Variants in SLC17A8 observed in about 807,000 individuals in gnomAD.
The protein encoded by SLC17A8 is solute carrier family 17 member 8.
Under a neutral mutation model 58.0 loss-of-function variants are expected in SLC17A8, and 31 were observed. The observed-to-expected ratio is 0.53, with a 90% confidence interval of 0.40 to 0.72. The LOEUF is 0.72. SLC17A8 is among the 30% of genes least tolerant of loss of function. The probability of loss-of-function intolerance (pLI) is 0.00; values close to 1 mark genes in which losing one functional copy is unlikely to be tolerated. For missense variants in SLC17A8, 655 were observed against 727.8 expected (o/e 0.90, Z 1.15); for synonymous variants, 228 against 249.0 (o/e 0.92, Z 0.79).
intron 9 of SLC17A8, among the ~76,000 whole-genome samples, chr12:100,409,881 G>C (rs769150928): frequency 6.6e-6 from 1 of 152,216 alleles, no homozygotes; most frequent in Non-Finnish European, 1.5e-5. Flanking sequence ...AGTAAGCAAA[G>C]AGATGAGGGC....
rs972824603 is a variant in SLC17A8 at position 100,377,877 on chromosome 12, C to T, written c.102-2824C>T. Reference sequence around the variant, plus strand: ...TGCTGGGATTACAGGCGTGAGCCACCGCGCCCAGCCTGATGGCTTCAAGAT... The same window carrying T: ...TGCTGGGATTACAGGCGTGAGCCACTGCGCCCAGCCTGATGGCTTCAAGAT... On this transcript the variant is annotated intron_variant, in intron 1 of 11. Transcript: ENST00000323346. Among the ~76,000 whole-genome samples, 16 of 152,194 alleles carry T rather than the reference C, an allele frequency of 1.1e-4. 1 individual carries two copies. The highest frequency in any genetic ancestry group is 2.6e-4 in the African/African-American group (11 of 41,554).
intron 1 of SLC17A8, among the ~76,000 whole-genome samples, chr12:100,358,917 G>A (rs1490011029): frequency 2.6e-5 from 4 of 152,174 alleles, no homozygotes; most frequent in East Asian, 1.9e-4. Context: ...GGAAGTGGGA[G>A]GATCGCTTGA....
intron 1 of SLC17A8, among the ~76,000 whole-genome samples, chr12:100,380,340 C>T (rs955841635): frequency 2.0e-5 from 3 of 151,938 alleles, no homozygotes; most frequent in African/African-American, 7.3e-5. Context: ...AGACTCTGGA[C>T]TTGGGCCTCT....
At chr12:100,411,185 G>A (rs1207879345) in intron 9 of SLC17A8, among the ~76,000 whole-genome samples, 2 of 151,874 alleles carry the variant, frequency 1.3e-5, no homozygotes, top group South Asian at 2.1e-4. Flanking sequence ...GAAGAGGCCA[G>A]GGGTGGTGGC....
At chr12:100,392,848 A>C (rs902054190) in intron 3 of SLC17A8, among the ~76,000 whole-genome samples, 2 of 152,184 alleles carry the variant, frequency 1.3e-5, no homozygotes, top group Non-Finnish European at 2.9e-5. Context: ...TCTGGGAAGC[A>C]GGAAACAACC....
At chr12:100,396,265 C>T (rs1952753063) in intron 4 of SLC17A8, 65 bp from the exon 5 acceptor site, 7 of 1,250,540 alleles carry the variant, frequency 5.6e-6, no homozygotes, top group Non-Finnish European at 7.1e-6. Flanking sequence ...AAGCAGCATC[C>T]ATATTTTAAA....
chr12:100,368,076 C>A (rs1350883487), intron 1 of SLC17A8, among the ~76,000 whole-genome samples: 1 of 152,162 alleles, frequency 6.6e-6, no homozygotes, highest in African/African-American at 2.4e-5. Context: ...GGGACCATGC[C>A]CCCTTTATTA....
rs1227501577 is a variant in SLC17A8 at position 100,389,823 on chromosome 12, T to TATTATC, written c.355-1173_355-1172insCATTAT. 1.3e-3 allele frequency among the ~76,000 whole-genome samples: 199 copies of TATTATC among 149,456 alleles called. 1 individual carries two copies. In the East Asian group the frequency reaches 0.017, roughly 13 times the overall value. On this transcript the variant is annotated intron_variant, in intron 2 of 11. Transcript: ENST00000323346. ...AGATTTGTATTATTATTATTATTAT[T>TATTATC]ATTATTATTACTATTGAGATGGAGT... is the stretch of plus-strand genomic sequence containing the variant.
chr12:100,401,896 ACTCAT>A, intron 6 of SLC17A8, 33 bp downstream of exon 6: 2 of 1,545,686 alleles, frequency 1.3e-6, no homozygotes, highest in Non-Finnish European at 1.8e-6. Context: ...TTCACATGTG[ACTCAT>A]AGAGATGGTA....
chr12:100,394,245 C>T (rs1344971050), intron 4 of SLC17A8, among the ~76,000 whole-genome samples: 1 of 152,088 alleles, frequency 6.6e-6, no homozygotes, highest in Non-Finnish European at 1.5e-5. Context: ...CTGACCTTCG[C>T]CAGTTTGTTA....
intron 2 of SLC17A8, among the ~76,000 whole-genome samples, chr12:100,389,474 A>T (rs1952698078): frequency 6.6e-6 from 1 of 152,138 alleles, no homozygotes; most frequent in South Asian, 2.1e-4. Context: ...TAAATAACTT[A>T]GTAGCCCCCC....
intron 9 of SLC17A8, 179 bp downstream of exon 9, chr12:100,404,349 G>C: frequency 1.4e-6 from 1 of 719,378 alleles, no homozygotes; most frequent in South Asian, 1.7e-5. Flanking sequence ...AGGTCATCCA[G>C]CTGGGACCTT....
chr12:100,398,420 A>T (rs563633949), intron 5 of SLC17A8, among the ~76,000 whole-genome samples: 1 of 152,200 alleles, frequency 6.6e-6, no homozygotes, highest in Admixed American at 6.5e-5. Context: ...TATTTGTAAG[A>T]CCTTTCATTT....
At chr12:100,392,592 G>C (rs966331917) in intron 3 of SLC17A8, among the ~76,000 whole-genome samples, 1 of 151,956 alleles carries the variant, frequency 6.6e-6, no homozygotes, top group Non-Finnish European at 1.5e-5. Flanking sequence ...GGTTGCTATG[G>C]TTTCCTGGGT....
chr12:100,383,112 C>T (rs1447222449), intron 2 of SLC17A8, among the ~76,000 whole-genome samples: 2 of 152,172 alleles, frequency 1.3e-5, no homozygotes, highest in Non-Finnish European at 2.9e-5. Flanking sequence ...TTCTTTCAGC[C>T]TTTTGTGAGC....
At chr12:100,413,294 GT>G (rs939971055) in intron 10 of SLC17A8, among the ~76,000 whole-genome samples, 3 of 152,130 alleles carry the variant, frequency 2.0e-5, no homozygotes, top group African/African-American at 7.2e-5. Context: ...AGGATCAGAA[GT>G]TTTTTTAAGA....
At chr12:100,414,098 T>C (rs1180045639) in intron 10 of SLC17A8, among the ~76,000 whole-genome samples, 3 of 152,146 alleles carry the variant, frequency 2.0e-5, no homozygotes, top group African/African-American at 4.8e-5. Flanking sequence ...TGCTACTGGG[T>C]TTTTCACTAT....
intron 1 of SLC17A8, among the ~76,000 whole-genome samples, chr12:100,364,231 C>A (rs1316633712): frequency 6.6e-6 from 1 of 152,102 alleles, no homozygotes; most frequent in Admixed American, 6.6e-5. Context: ...AGAAATCAGA[C>A]ACTGAATCCT....
intron 1 of SLC17A8, among the ~76,000 whole-genome samples, chr12:100,373,853 T>C (rs1286602487): frequency 1.3e-5 from 2 of 152,122 alleles, no homozygotes; most frequent in African/African-American, 4.8e-5. Flanking sequence ...CCTTCCAAAG[T>C]GCTCAGATTA....
Sources: gnomAD v4.1 joint callset for allele counts (sites outside exome capture counted in the v4.1 genomes callset) on GRCh38, gnomAD v4.1.1 for gene constraint, MANE v1.5 for transcripts, NCBI Gene and HGNC (gene_info 2026-07-23, HGNC 2026-07-21) for gene names.